The following BAZ2A variants were observed in gnomAD, a reference collection of about 807,000 sequenced individuals.
BAZ2A encodes the protein bromodomain adjacent to zinc finger domain protein 2A.
Under a neutral mutation model 199.9 loss-of-function variants are expected in BAZ2A, and 34 were observed. The ratio of observed to expected loss-of-function variants is 0.17; its 90% confidence interval spans 0.13 to 0.23. The LOEUF is 0.23. Ranked by LOEUF, BAZ2A falls within the 10% of genes least tolerant of loss-of-function variation. BAZ2A has a pLI of 1.00. For missense variants in BAZ2A, 2,002 were observed against 2,391.1 expected (o/e 0.84, Z 3.39); for synonymous variants, 857 against 883.9 (o/e 0.97, Z 0.54).
Position 56,600,300 on chromosome 12 carries a change from C to T in BAZ2A, c.4793G>A (p.Arg1598Gln), listed in dbSNP as rs1363274476. 5.6e-6 allele frequency: 9 copies of T among 1,613,878 alleles called. No individual in the cohort carries two copies. Among genetic ancestry groups the T allele is most frequent in the South Asian group, 1.1e-5 (1 of 91,090 alleles). The change falls in exon 24 of 29, where the codon CGG (arginine) becomes CAG (glutamine). Residue 1598 changes from arginine to glutamine, a missense_variant. This residue lies in a region of BAZ2A where 1,081 missense variants were observed against 1,274.7 expected (regional missense o/e 0.85). Transcript: ENST00000549884. ...LAALEQNVER[R>Q]YLREPLWPTH... is the part of the protein sequence containing the mutation. ...TGGCCAGAGGGGCTCCCGCAGGTAC[C>T]GCCGTTCTACATTCTGTTCCAGGGC...
In BAZ2A at chr12:56,636,207, G is replaced by A; in HGVS notation, c.-22C>T. ...CCATGTCAGGCTGGCACAGCTCCAG[G>A]CTGGGACCACCCAGCTCCTCACTGT... On this transcript the variant is annotated 5_prime_UTR_variant, in exon 1 of 30. Coordinates refer to the BAZ2A transcript ENST00000379441. The A allele has an allele frequency of 1.9e-6, 3 of 1,591,700 alleles. No homozygotes were observed. In the South Asian group the frequency reaches 3.4e-5, roughly 18 times the overall value.
chr12:56,615,491 C>G lies in BAZ2A; in HGVS notation c.253G>C (p.Val85Leu). 1 of 1,613,274 alleles carries G rather than the reference C, an allele frequency of 6.2e-7. No homozygotes were observed. The highest frequency in any genetic ancestry group is 1.1e-5 in the South Asian group (1 of 91,058). ...TAGTTCCAGAGACAGTCGTAGGCCACGCTGGGGTGATGGAGGTGTGAGGTG... is the reference window on the plus strand; with the variant it reads ...TAGTTCCAGAGACAGTCGTAGGCCAGGCTGGGGTGATGGAGGTGTGAGGTG... ...SSTSHLHHPS[V>L]AYDCLWNYSQ... Residue 85 changes from valine (V) to leucine (L), a missense_variant, in exon 3 of 29, where the codon GTG becomes CTG. Physicochemically the swap from Val to Leu is conservative, Grantham distance 32. Around this residue, in one of 6 missense-constraint regions of BAZ2A, gnomAD observed 641 missense variants for 694.5 expected, o/e 0.92. Transcript: ENST00000549884.
chr12:56,613,280 T>C, intron 4 of BAZ2A, 47 bp from the exon 5 acceptor site: 1 of 1,572,728 alleles, frequency 6.4e-7, no homozygotes, highest in Non-Finnish European at 8.7e-7. Flanking sequence ...GAGAAAAAAA[T>C]CAGAAAGCAA....
rs772396006 is a variant in BAZ2A, at chr12:56,613,091, T to G, written c.1059A>C (p.Ala353=). The change falls in exon 5 of 29, where the codon GCA becomes GCC. Residue 353 remains alanine, a synonymous_variant. Transcript: ENST00000549884. ...TAGAGGTTGATGTTTGACTATCATC[T>G]GCCAGGAGACTGAAGGCAGTAGCAT... ...LNNATAFSLL[A]DDSQTSTSIF... 1.9e-6 allele frequency: 3 copies of G among 1,613,916 alleles called. No homozygotes were observed. In the African/African-American group the frequency reaches 4.0e-5, roughly 22 times the overall value.
At chr12:56,620,823 T>C (rs992406895) in intron 1 of BAZ2A, among the ~76,000 whole-genome samples, 10 of 152,046 alleles carry the variant, frequency 6.6e-5, no homozygotes, top group South Asian at 2.1e-4. Context: ...GGCCTCCCAA[T>C]GTGCTGGGAT....
intron 23 of BAZ2A, 54 bp from the exon 24 acceptor site, chr12:56,600,544 T>G: frequency 6.4e-7 from 1 of 1,566,008 alleles, no homozygotes. Flanking sequence ...AAATTTGGCA[T>G]AGGAAAAAAA....
intron 18 of BAZ2A, 133 bp downstream of exon 18, chr12:56,603,226 C>T: frequency 9.8e-7 from 1 of 1,015,374 alleles, no homozygotes; most frequent in Non-Finnish European, 1.4e-6. Flanking sequence ...CATGATCGTG[C>T]CACTGCACTC....
chr12:56,613,346 T>G (rs1950619908), intron 4 of BAZ2A, 113 bp from the exon 5 acceptor site: 9 of 1,055,164 alleles, frequency 8.5e-6, no homozygotes, highest in Non-Finnish European at 7.1e-6. Flanking sequence ...AATGTGAAGA[T>G]TCTTCCTAAT....
chr12:56,605,561 A>T (rs762456598), intron 13 of BAZ2A: 175 of 613,542 alleles, frequency 2.9e-4, no homozygotes, highest in Non-Finnish European at 4.2e-4. Context: ...AGCTGGGACT[A>T]CAGGTACATG....
At chr12:56,604,846 A>G (rs1469045034) in intron 14 of BAZ2A, 47 bp from the exon 15 acceptor site, 1 of 1,578,304 alleles carries the variant, frequency 6.3e-7, no homozygotes, top group Non-Finnish European at 8.7e-7. Flanking sequence ...AAGATGCACA[A>G]CCAAGTTGGG....
In BAZ2A at chr12:56,615,367, C is replaced by G; in HGVS notation, c.377G>C (p.Gly126Ala). The G allele has an allele frequency of 5.6e-6, 9 of 1,613,498 alleles. No individual in the cohort carries two copies. The highest frequency in any genetic ancestry group is 6.8e-6 in the Non-Finnish European group (8 of 1,179,658). ...GGQYPLNGIL[G>A]GSRQPSSPSH... ...TGGGGATGAAGGTTGCCGGCTGCCC[C>G]CAAGGATGCCGTTGAGTGGGTATTG... is the stretch of plus-strand genomic sequence containing the variant. Residue 126 changes from glycine (G) to alanine (A), a missense_variant, in exon 3 of 29, where the codon GGG becomes GCG. Around this residue, in one of 6 missense-constraint regions of BAZ2A, gnomAD observed 641 missense variants for 694.5 expected, o/e 0.92. Coordinates refer to ENST00000549884, the MANE Select transcript of BAZ2A (RefSeq NM_001300905.2).
chr12:56,635,055 G>A, upstream of BAZ2A: 1 of 984,538 alleles, frequency 1.0e-6, no homozygotes, highest in Non-Finnish European at 1.2e-6. This position sits in a 1 kb window ranked among gnomAD's most constrained non-coding sequence, Gnocchi z 4.1. Context: ...GCGGCGGAGG[G>A]GAGGAGGTGG....
At position 56,601,876 on chromosome 12, in the gene BAZ2A, C is replaced by T; in HGVS notation, c.3741G>A (p.Glu1247=). The change falls in exon 20 of 29, where the codon GAG becomes GAA. Residue 1247 remains glutamate (E), a synonymous_variant. Coordinates refer to ENST00000549884, the MANE Select transcript of BAZ2A (RefSeq NM_001300905.2). ...CCAGTGACAAAGGGGAGCCTTCTTG[C>T]TCCAGGAACCCCTTATGGGACTGAA... is the stretch of plus-strand genomic sequence containing the variant. The part of the protein sequence containing the change: ...LQLQSHKGFL[E]QEGSPLSLGQ... 1 of 1,613,660 alleles carries T rather than the reference C, an allele frequency of 6.2e-7. No individual in the cohort carries two copies. Among genetic ancestry groups the T allele is most frequent in the South Asian group, 1.1e-5 (1 of 91,078 alleles).
chr12:56,614,959 T>TC lies in BAZ2A; in HGVS notation c.730+54dup, dbSNP rs568686590. The stretch of plus-strand genomic sequence containing the variant: ...TTTTTCTCACCTCAAAAAGCCACTA[T>TC]CCCCCCCGAGCTCCATTTTTCCTTT... On this transcript the variant is annotated intron_variant, in intron 3 of 28. Transcript: ENST00000549884. The TC allele has an allele frequency of 1.1e-4, 172 of 1,507,782 alleles. 1 individual carries two copies. The African/African-American group carries it at 1.3e-3, about 11-fold the overall frequency. 93.4% of individuals were successfully genotyped at this position (1,507,782 alleles called of 1,614,324 possible).
rs762252401 is a variant in BAZ2A, at chr12:56,602,676, T to G, written c.3424+37A>C. ...AAGGAATTATTTAATTCTTGTTTGA[T>G]AGGACTCAGAATCCACACTCCCACA... On this transcript the variant is annotated intron_variant, in intron 19 of 28. Transcript: ENST00000549884. 7 of 1,593,654 alleles carry G rather than the reference T, an allele frequency of 4.4e-6. No individual in the cohort carries two copies. In the African/African-American group the frequency reaches 9.4e-5, roughly 21 times the overall value.
At chr12:56,603,304 A>T (rs1950240081) in intron 18 of BAZ2A, 55 bp downstream of exon 18, 1 of 1,544,352 alleles carries the variant, frequency 6.5e-7, no homozygotes, top group African/African-American at 1.4e-5. Context: ...AAAGAAGCTG[A>T]TCAATTCTTG....
intron 8 of BAZ2A, 89 bp from the exon 9 acceptor site, chr12:56,610,304 A>C (rs1950519482): frequency 1.3e-6 from 2 of 1,569,810 alleles, no homozygotes; most frequent in Non-Finnish European, 1.8e-6. Flanking sequence ...GGCCCAGAGC[A>C]GACAATGCCA....
At chr12:56,620,653 A>C (rs1343480843) in intron 1 of BAZ2A, among the ~76,000 whole-genome samples, 3 of 149,120 alleles carry the variant, frequency 2.0e-5, no homozygotes, top group Non-Finnish European at 3.0e-5. Context: ...TCCACCTCCC[A>C]GGTTCAAGCG....
chr12:56,606,513 T>G, intron 11 of BAZ2A, 120 bp downstream of exon 11: 2 of 1,225,744 alleles, frequency 1.6e-6, no homozygotes, highest in Non-Finnish European at 2.4e-6. Context: ...TGCAAGAAAT[T>G]TCAGGGTAAT....
Sources: allele counts gnomAD v4.1 joint callset (sites outside exome capture counted in the v4.1 genomes callset), GRCh38; gene constraint gnomAD v4.1.1; regional missense constraint gnomAD v4.1.1; non-coding constraint Gnocchi (gnomAD v3.1); transcripts MANE v1.5; gene names NCBI Gene and HGNC (gene_info 2026-07-23, HGNC 2026-07-21).